Variants in SPTBN5 observed in about 807,000 individuals in gnomAD.
SPTBN5 encodes spectrin beta chain, non-erythrocytic 5.
Under a neutral mutation model 477.6 loss-of-function variants are expected in SPTBN5, and 513 were observed. That is an observed-to-expected ratio of 1.07 (90% CI 1.00 to 1.16). SPTBN5 has a LOEUF of 1.16. Among genes scored for constraint, SPTBN5 ranks in the 50% most tolerant of loss-of-function variants. SPTBN5 has a pLI of 0.00. For synonymous variants in SPTBN5, 2,169 were observed against 2,011.7 expected (o/e 1.08, Z -2.09); for missense variants, 5,062 against 4,731.8 (o/e 1.07, Z -2.05).
chr15:41,882,576 A>C lies in SPTBN5; in HGVS notation c.2046+9T>G, dbSNP rs895784417. ...TGGCGACCGGCGGGCGCGCTCGGGG[A>C]GCTGACACCTTGTGTTTCTGCAGGG... On this transcript the variant is annotated intron_variant, in intron 10 of 67. Coordinates refer to ENST00000320955, the MANE Select transcript of SPTBN5 (RefSeq NM_016642.4). The C allele has an allele frequency of 5.0e-6, 8 of 1,585,252 alleles. No individual in the cohort carries two copies. Among genetic ancestry groups the C allele is most frequent in the Admixed American group, 1.8e-5 (1 of 55,932 alleles).
Position 41,871,800 on chromosome 15 carries a change from C to T in SPTBN5, c.5283G>A (p.Glu1761=), listed in dbSNP as rs768738969. ...TTCTCACCAGGGCGTGCTCGGGGTC[C>T]TCTCCCAGGCTCTCCCCTCCTTTGG... ...QAAKGGESLG[E]DPEHALHLCT... The change falls in exon 28 of 68, where the codon GAG becomes GAA. Residue 1761 remains glutamate, a synonymous_variant. Transcript: ENST00000320955. The T allele has an allele frequency of 1.3e-5, 20 of 1,589,068 alleles. No individual in the cohort carries two copies. Among genetic ancestry groups the T allele is most frequent in the African/African-American group, 2.7e-5 (2 of 74,292 alleles).
Position 41,880,198 on chromosome 15 carries a change from G to C in SPTBN5, c.2773C>G (p.Gln925Glu), listed in dbSNP as rs775199003. Residue 925 changes from glutamine to glutamate, a missense_variant, in exon 14 of 68, where the codon CAG (glutamine) becomes GAG (glutamate). Transcript: ENST00000320955. ...TGCATGACCTCCAGGGTGTCAGCCT[G>C]GGGCTGCACCCTTTGGAGCAGCACT... is the stretch of plus-strand genomic sequence containing the variant. ...QTVLLQRVQPQADTLEVMQLK... is the reference protein window; with the variant it reads ...QTVLLQRVQPEADTLEVMQLK... The C allele has an allele frequency of 6.2e-7, 1 of 1,606,290 alleles. No individual in the cohort carries two copies. The highest frequency in any genetic ancestry group is 8.5e-7 in the Non-Finnish European group (1 of 1,176,920).
Position 41,856,396 on chromosome 15 carries a change from A to G in SPTBN5, c.9011T>C (p.Phe3004Ser). ...LLQQAQEAQQ[F>S]LTELLEAGSW... ...CATCACTCCCCTCACCTCAGTCAGA[A>G]ACTGCTGGGCCTCCTGAGCCTGCTG... Residue 3004 changes from phenylalanine to serine, a missense_variant, in exon 53 of 68, where the codon TTT becomes TCT. Physicochemically the swap from Phe to Ser is radical, Grantham distance 155. Transcript: ENST00000320955. 6.3e-7 allele frequency: 1 copy of G among 1,577,464 alleles called. No homozygotes were observed. The highest frequency in any genetic ancestry group is 8.6e-7 in the Non-Finnish European group (1 of 1,159,262).
chr15:41,873,832 C>G lies in SPTBN5; in HGVS notation c.4890+13G>C, dbSNP rs762897414. On this transcript the variant is annotated intron_variant, in intron 25 of 67. Transcript: ENST00000320955. ...TCTGCCTCTTCCCCCAACCCCACCT[C>G]TCTGCATCCTACCTGCTGGAAAGTG... 5 of 1,608,804 alleles carry G rather than the reference C, an allele frequency of 3.1e-6. No individual in the cohort carries two copies. The highest frequency in any genetic ancestry group is 4.2e-6 in the Non-Finnish European group (5 of 1,179,822).
chr15:41,866,184 C>T lies in SPTBN5; in HGVS notation c.6676G>A (p.Val2226Ile), dbSNP rs746234527. The change falls in exon 38 of 68, where the codon GTC becomes ATC. Residue 2226 changes from valine (V) to isoleucine (I), a missense_variant. Transcript: ENST00000320955. ...LAQSHPRAGE[V>I]SQRLQGLRKH... ...CGCAGGCCCTGCAGCCGCTGGGAGA[C>T]CTCTCCGGCTCGAGGGTGACTCTGT... 2.6e-5 allele frequency: 41 copies of T among 1,576,944 alleles called. No individual in the cohort carries two copies. The highest frequency in any genetic ancestry group is 3.4e-5 in the Non-Finnish European group (40 of 1,163,206).
chr15:41,870,659 T>C, intron 29 of SPTBN5, 99 bp from the exon 30 acceptor site: 1 of 977,868 alleles, frequency 1.0e-6, no homozygotes, highest in South Asian at 1.5e-5. Flanking sequence ...CTCTGAGTTG[T>C]ATCGGGACTT....
At chr15:41,893,089 G>A in intron 2 of SPTBN5, 28 bp from the exon 3 acceptor site, 1 of 1,603,756 alleles carries the variant, frequency 6.2e-7, no homozygotes, top group Non-Finnish European at 8.5e-7. Flanking sequence ...GTAAGTATGG[G>A]GTCAGCCCAG....
rs755963818 is a variant in SPTBN5 at position 41,869,842 on chromosome 15, G to A, written c.5852C>T (p.Ala1951Val). 41 of 1,554,864 alleles carry A rather than the reference G, an allele frequency of 2.6e-5. 1 individual carries two copies. The South Asian group carries it at 4.5e-4, about 17-fold the overall frequency. ...CACCCAAAGGGCAGGAGCCCTCACC[G>A]CCGTGCGGAAGCGGGCCAGGAGGCG... ...RARLLARFRT[A>V]VRDYASWAAR... is the part of the protein sequence containing the mutation. The change falls in exon 32 of 68, where the codon GCG becomes GTG. Residue 1951 changes from alanine (A) to valine (V), a missense_variant and splice_region_variant. By Grantham distance (64) the Ala-to-Val change is moderately conservative. Coordinates refer to ENST00000320955, the MANE Select transcript of SPTBN5 (RefSeq NM_016642.4).
In SPTBN5 at chr15:41,852,264, C is replaced by T. The variant is rs1216288548; in HGVS notation, c.10502G>A (p.Gly3501Asp). 1.2e-6 allele frequency: 2 copies of T among 1,607,680 alleles called. No individual in the cohort carries two copies. Among genetic ancestry groups the T allele is most frequent in the African/African-American group, 2.7e-5 (2 of 74,858 alleles). ...CCACTGAAAGGATGTCAGCGAGCTG[C>T]CAGCTCTCCCGGGCTTCAGCTCCTG... ...QPQELKPGRAGSSLTSFQWRP... is the reference protein window; with the variant it reads ...QPQELKPGRADSSLTSFQWRP... Residue 3501 changes from glycine (G) to aspartate (D), a missense_variant, in exon 62 of 68, where the codon GGC (glycine) becomes GAC (aspartate). Gly to Asp is a moderately conservative substitution (Grantham distance 94). Coordinates refer to ENST00000320955, the MANE Select transcript of SPTBN5 (RefSeq NM_016642.4).
At chr15:41,877,506 C>A (rs534547445) in intron 17 of SPTBN5, 150 bp from the exon 18 acceptor site, 1 of 1,209,264 alleles carries the variant, frequency 8.3e-7, no homozygotes, top group Non-Finnish European at 1.1e-6. Flanking sequence ...GCAGGGGTTC[C>A]CAATCCCCCA....
At chr15:41,857,741 G>A in intron 49 of SPTBN5, 31 bp from the exon 50 acceptor site, 1 of 1,537,930 alleles carries the variant, frequency 6.5e-7, no homozygotes, top group Non-Finnish European at 8.7e-7. Flanking sequence ...ACACCTTGTG[G>A]ACTCAGGACT....
At chr15:41,884,859 A>T (rs2067095355) in intron 7 of SPTBN5, among the ~76,000 whole-genome samples, 1 of 152,144 alleles carries the variant, frequency 6.6e-6, no homozygotes. Context: ...TGCTCGCCTA[A>T]AAGGACACTG....
At chr15:41,861,177 C>T (rs1206507512) in intron 46 of SPTBN5, among the ~76,000 whole-genome samples, 1 of 152,166 alleles carries the variant, frequency 6.6e-6, no homozygotes, top group Non-Finnish European at 1.5e-5. Flanking sequence ...AAGAATGGGT[C>T]AGGCCCACAC....
At chr15:41,889,211 A>G (rs906279552) in intron 4 of SPTBN5, among the ~76,000 whole-genome samples, 1 of 152,150 alleles carries the variant, frequency 6.6e-6, no homozygotes, top group Non-Finnish European at 1.5e-5. Context: ...TCAGCCTTCA[A>G]ATAGATGCTC....
At position 41,851,770 on chromosome 15, in the gene SPTBN5, G is replaced by A; in HGVS notation, c.10656+9C>T. On this transcript the variant is annotated intron_variant, in intron 63 of 67. Transcript: ENST00000320955. Reference sequence around the variant, plus strand: ...GAGCTGCCTGGAGAAGGAATCTCCAGGCACTCACCTGCCTCCCGCCAGGCA... The same window carrying A: ...GAGCTGCCTGGAGAAGGAATCTCCAAGCACTCACCTGCCTCCCGCCAGGCA... The A allele has an allele frequency of 6.2e-7, 1 of 1,605,492 alleles. No homozygotes were observed. Among genetic ancestry groups the A allele is most frequent in the Non-Finnish European group, 8.5e-7 (1 of 1,175,396 alleles).
In SPTBN5 at chr15:41,875,586, G is replaced by T. The variant is rs750848516; in HGVS notation, c.4159C>A (p.Gln1387Lys). The change falls in exon 22 of 68, where the codon CAG becomes AAG. Residue 1387 changes from glutamine (Q) to lysine (K), a missense_variant. Physicochemically the swap from Gln to Lys is moderately conservative, Grantham distance 53. Coordinates refer to ENST00000320955, the MANE Select transcript of SPTBN5 (RefSeq NM_016642.4). Reference sequence around the variant, plus strand: ...TGAAGCCTGGTCTGTATGTCCTCCTGGCCACAGGGCCTCCTACTCAACAGC... The same window carrying T: ...TGAAGCCTGGTCTGTATGTCCTCCTTGCCACAGGGCCTCCTACTCAACAGC... Reference protein sequence around the residue: ...RELLSRRPCGQEDIQTRLQGL... With the variant: ...RELLSRRPCGKEDIQTRLQGL... The T allele has an allele frequency of 1.2e-6, 2 of 1,602,276 alleles. No individual in the cohort carries two copies. Among genetic ancestry groups the T allele is most frequent in the Admixed American group, 3.4e-5 (2 of 58,276 alleles).
At chr15:41,854,325 T>C (rs1404937319) in intron 56 of SPTBN5, 120 bp from the exon 57 acceptor site, 1 of 1,120,092 alleles carries the variant, frequency 8.9e-7, no homozygotes, top group Non-Finnish European at 1.2e-6. Flanking sequence ...GGGCTTGATG[T>C]GTCCCCAGGT....
intron 47 of SPTBN5, 149 bp downstream of exon 47, chr15:41,860,437 T>C (rs1417106953): frequency 9.1e-6 from 7 of 765,846 alleles, no homozygotes; most frequent in Non-Finnish European, 1.1e-5. Context: ...GGGCCAGGGG[T>C]GGTGGGGACC....
Position 41,856,460 on chromosome 15 carries a change from G to T in SPTBN5, c.8947C>A (p.His2983Asn). ...RVQQLEKAMA[H>N]LRAEAARRRL... ...CTCCGCGCCGCCTCTGCCCGCAGGT[G>T]GGCCATGGCCTTCTCCAGCTGCTGC... Residue 2983 changes from histidine (H) to asparagine (N), a missense_variant, in exon 53 of 68, where the codon CAC (histidine) becomes AAC (asparagine). By Grantham distance (68) the His-to-Asn change is moderately conservative. Transcript: ENST00000320955. 1 of 1,596,214 alleles carries T rather than the reference G, an allele frequency of 6.3e-7. No homozygotes were observed. Among genetic ancestry groups the T allele is most frequent in the Non-Finnish European group, 8.5e-7 (1 of 1,172,382 alleles).
Sources: allele counts gnomAD v4.1 joint callset (sites outside exome capture counted in the v4.1 genomes callset), GRCh38; gene constraint gnomAD v4.1.1; transcripts MANE v1.5; gene names NCBI Gene and HGNC (gene_info 2026-07-23, HGNC 2026-07-21).